The following MORN5 variants were observed in gnomAD, a reference collection of about 807,000 sequenced individuals.
MORN5 encodes the protein MORN repeat containing 5.
In MORN5, 21 loss-of-function variants were observed where a neutral mutation model predicts 22.1. The observed-to-expected ratio is 0.95, with a 90% CI of 0.67 to 1.37. The LOEUF is 1.37. MORN5 is among the 40% of genes most tolerant of loss of function. MORN5 has a pLI of 0.00. For missense variants in MORN5, 211 were observed against 215.1 expected (o/e 0.98, Z 0.12); for synonymous variants, 73 against 74.0 (o/e 0.99, Z 0.07).
At position 122,185,280 on chromosome 9, in the gene MORN5, T is replaced by C. The variant is rs1829603784; in HGVS notation, c.439+10653T>C. ...CTCTGTCACCCAGGCTGGAGTGCAG[T>C]GGTGCGATCTCGGCTCACTGCAAGC... On this transcript the variant is annotated intron_variant, in intron 4 of 4. Transcript: ENST00000373764. Among the ~76,000 whole-genome samples the C allele has an allele frequency of 2.6e-5, 4 of 151,710 alleles. No individual in the cohort carries two copies. The South Asian group carries it at 8.3e-4, about 32-fold the overall frequency.
chr9:122,183,126 C>T (rs1258896177), intron 4 of MORN5, among the ~76,000 whole-genome samples: 2 of 152,220 alleles, frequency 1.3e-5, no homozygotes, highest in Non-Finnish European at 2.9e-5. Flanking sequence ...ACACCACAGT[C>T]CTCACAATCA....
intron 3 of MORN5, among the ~76,000 whole-genome samples, chr9:122,170,704 T>G (rs1829352948): frequency 6.6e-6 from 1 of 152,204 alleles, no homozygotes; most frequent in Non-Finnish European, 1.5e-5. Flanking sequence ...TCTGAGGTCC[T>G]CTTTATCATG....
chr9:122,178,888 C>G (rs1268773013), intron 4 of MORN5, among the ~76,000 whole-genome samples: 1 of 152,188 alleles, frequency 6.6e-6, no homozygotes, highest in South Asian at 2.1e-4. Context: ...CGTTCCCTTT[C>G]TCCTAATGGA....
chr9:122,181,803 T>A (rs2118768266), intron 4 of MORN5, among the ~76,000 whole-genome samples: 1 of 152,286 alleles, frequency 6.6e-6, no homozygotes, highest in African/African-American at 2.4e-5. Flanking sequence ...TAGTACCTAT[T>A]GGAGAAATTA....
At chr9:122,164,524 C>T in intron 1 of MORN5, 1 of 970,558 alleles carries the variant, frequency 1.0e-6, no homozygotes. Flanking sequence ...CCAGAGGATT[C>T]TGATACCATT....
intron 4 of MORN5, among the ~76,000 whole-genome samples, chr9:122,196,065 C>T (rs920063947): frequency 1.3e-5 from 2 of 151,916 alleles, no homozygotes; most frequent in Non-Finnish European, 2.9e-5. Context: ...CTCAGGTGAT[C>T]GTCTCACATC....
chr9:122,168,052 C>G (rs1437847537), intron 2 of MORN5, among the ~76,000 whole-genome samples: 1 of 152,176 alleles, frequency 6.6e-6, no homozygotes, highest in Non-Finnish European at 1.5e-5. Context: ...AATAATCTTC[C>G]CACTTCAGGA....
intron 4 of MORN5, among the ~76,000 whole-genome samples, chr9:122,192,342 G>C (rs1435235828): frequency 6.6e-6 from 1 of 152,172 alleles, no homozygotes; most frequent in Non-Finnish European, 1.5e-5. Flanking sequence ...TTCAAGACAG[G>C]CATCTTTGTA....
At chr9:122,160,566 T>TCC (rs1564413276) in intron 1 of MORN5, among the ~76,000 whole-genome samples, 2 of 151,068 alleles carry the variant, frequency 1.3e-5, no homozygotes, top group African/African-American at 4.9e-5. Flanking sequence ...TCCTTCCTTT[T>TCC]TTCCTTCCTT....
At chr9:122,171,909 C>A (rs555059856) in intron 3 of MORN5, among the ~76,000 whole-genome samples, 1 of 150,126 alleles carries the variant, frequency 6.7e-6, no homozygotes, top group East Asian at 2.0e-4. Flanking sequence ...CCACTTGGCG[C>A]CCTTGAGGTC....
Position 122,174,551 on chromosome 9 carries a change from C to T in MORN5, c.363C>T (p.Tyr121=), listed in dbSNP as rs780115896. The change falls in exon 4 of 5, where the codon TAC becomes TAT. Residue 121 remains tyrosine, a synonymous_variant. Transcript: ENST00000373764. ...CTAGAAAAATCCCCAAGGGCTATTA[C>T]GATTGTGGAGACGGCTTCTATAACC... is the stretch of plus-strand genomic sequence containing the variant. ...DPPRKIPKGY[Y]DCGDGFYNPV... The T allele has an allele frequency of 1.1e-5, 17 of 1,613,922 alleles. No homozygotes were observed. The highest frequency in any genetic ancestry group is 6.7e-5 in the Admixed American group (4 of 59,992).
chr9:122,160,003 G>T lies in MORN5; in HGVS notation c.31G>T (p.Glu11Ter), dbSNP rs1376728349. 6.2e-7 allele frequency: 1 copy of T among 1,613,880 alleles called. No homozygotes were observed. The highest frequency in any genetic ancestry group is 8.5e-7 in the Non-Finnish European group (1 of 1,179,986). The part of the protein sequence containing the change: MEYTGSKYIG[E>*]YVDGRMEGKA... The stretch of plus-strand genomic sequence containing the variant: ...GTACACAGGGAGCAAATATATCGGG[G>T]AATATGTAGATGGGAGGTAAGGGGC... The change falls in exon 1 of 5, where the codon GAA becomes TAA. Residue 11 changes from glutamate to a stop codon, truncating the protein, a stop_gained. Coordinates refer to ENST00000373764, the MANE Select transcript of MORN5 (RefSeq NM_198469.4). LOFTEE classifies it high-confidence loss of function.
At chr9:122,178,097 C>T (rs1008463390) in intron 4 of MORN5, among the ~76,000 whole-genome samples, 7 of 152,158 alleles carry the variant, frequency 4.6e-5, no homozygotes, top group African/African-American at 1.7e-4. Context: ...TGGTGGCTTG[C>T]GCCTGTAACC....
At chr9:122,188,572 A>T (rs551549723) in intron 4 of MORN5, among the ~76,000 whole-genome samples, 31 of 152,220 alleles carry the variant, frequency 2.0e-4, no homozygotes, top group Non-Finnish European at 4.3e-4. Context: ...GGGCCAAAAG[A>T]AGCAGAGGGT....
chr9:122,176,294 G>A (rs1179621959), intron 4 of MORN5, among the ~76,000 whole-genome samples: 5 of 152,022 alleles, frequency 3.3e-5, no homozygotes, highest in Non-Finnish European at 2.9e-5. Flanking sequence ...TTTGCACAAT[G>A]CACTACTATG....
chr9:122,182,912 C>T (rs539393949), intron 4 of MORN5, among the ~76,000 whole-genome samples: 38 of 152,322 alleles, frequency 2.5e-4, no homozygotes, highest in African/African-American at 8.9e-4. Flanking sequence ...ATTCAAGTCC[C>T]AATCTTCCCA....
At chr9:122,171,707 C>T (rs1262860881) in intron 3 of MORN5, among the ~76,000 whole-genome samples, 1 of 152,150 alleles carries the variant, frequency 6.6e-6, no homozygotes, top group Non-Finnish European at 1.5e-5. Context: ...AAGCCTAATC[C>T]TCCCTTCCCC....
In MORN5 at chr9:122,174,515, T is replaced by C. The variant is rs372121056; in HGVS notation, c.327T>C (p.Asn109=). The part of the protein sequence containing the change: ...LKPAGMAQLT[N]MDPPRKIPKG... ...TTCAAGGTATGGCTCAACTCACCAATATGGACCCACCTAGAAAAATCCCCA... is the reference window on the plus strand; with the variant it reads ...TTCAAGGTATGGCTCAACTCACCAACATGGACCCACCTAGAAAAATCCCCA... The change falls in exon 4 of 5, where the codon AAT becomes AAC. Residue 109 remains asparagine (N), a synonymous_variant. Transcript: ENST00000373764. The C allele has an allele frequency of 4.0e-5, 65 of 1,614,008 alleles. No homozygotes were observed. In the African/African-American group the frequency reaches 7.6e-4, roughly 19 times the overall value.
At chr9:122,198,502 GCA>G (rs1240253924) in intron 4 of MORN5, among the ~76,000 whole-genome samples, 1 of 152,160 alleles carries the variant, frequency 6.6e-6, no homozygotes, top group Non-Finnish European at 1.5e-5. Context: ...GCAGGGAGTG[GCA>G]CCAAGGGAAG....
Sources: allele counts gnomAD v4.1 joint callset (sites outside exome capture counted in the v4.1 genomes callset), GRCh38; gene constraint gnomAD v4.1.1; transcripts MANE v1.5; gene names NCBI Gene and HGNC (gene_info 2026-07-23, HGNC 2026-07-21).